The following VPS35L variants were observed in gnomAD, a reference collection of about 807,000 sequenced individuals.
VPS35L encodes VPS35 endosomal protein sorting factor like, also known as VPS35 endosomal protein-sorting factor-like.
VPS35L carries 83 observed loss-of-function variants against 133.0 expected under a neutral mutation model. The ratio of observed to expected loss-of-function variants is 0.62; its 90% CI spans 0.52 to 0.75. The LOEUF (loss-of-function observed/expected upper bound fraction) is 0.75, where lower values mean the gene tolerates loss of function less well. VPS35L is among the 30% of genes least tolerant of loss of function. The pLI, the probability that VPS35L is intolerant of heterozygous loss-of-function variation, is 0.00. For synonymous variants in VPS35L, 423 were observed against 449.9 expected (o/e 0.94, Z 0.76); for missense variants, 1,083 against 1,206.8 (o/e 0.90, Z 1.52).
At chr16:19,684,707 G>C (rs1975397076) in intron 28 of VPS35L, among the ~76,000 whole-genome samples, 1 of 152,222 alleles carries the variant, frequency 6.6e-6, no homozygotes, top group Non-Finnish European at 1.5e-5. Flanking sequence ...AGTGATGGAA[G>C]TGAAACTCAC....
At chr16:19,653,837 G>A (rs1974212592) in intron 26 of VPS35L, among the ~76,000 whole-genome samples, 1 of 152,220 alleles carries the variant, frequency 6.6e-6, no homozygotes, top group Non-Finnish European at 1.5e-5. Flanking sequence ...GCAGCTCTGG[G>A]CAGTGAAGTC....
chr16:19,620,015 G>A (rs1973027088), intron 14 of VPS35L, among the ~76,000 whole-genome samples: 1 of 152,142 alleles, frequency 6.6e-6, no homozygotes, highest in African/African-American at 2.4e-5. Flanking sequence ...AAGTGAGAGA[G>A]GGAAAGGAGA....
intron 8 of VPS35L, among the ~76,000 whole-genome samples, chr16:19,598,691 G>A (rs1972288743): frequency 6.6e-6 from 1 of 152,044 alleles, no homozygotes; most frequent in Non-Finnish European, 1.5e-5. Flanking sequence ...GGCAGAGGTG[G>A]GAGGAGCCCC....
intron 27 of VPS35L, among the ~76,000 whole-genome samples, chr16:19,680,195 G>T (rs1478371886): frequency 6.6e-6 from 1 of 152,156 alleles, no homozygotes; most frequent in East Asian, 1.9e-4. Flanking sequence ...GGGCTTCGTC[G>T]TAGTATCACC....
At chr16:19,659,771 T>C (rs1383473116) in intron 26 of VPS35L, among the ~76,000 whole-genome samples, 4 of 152,198 alleles carry the variant, frequency 2.6e-5, no homozygotes, top group Non-Finnish European at 5.9e-5. Context: ...TGGCAGCACA[T>C]CTTCATTGCA....
intron 1 of VPS35L, among the ~76,000 whole-genome samples, chr16:19,557,712 G>A (rs571299100): frequency 1.3e-5 from 2 of 151,780 alleles, no homozygotes; most frequent in East Asian, 3.9e-4. Context: ...TTTGAAGTAT[G>A]CATTCATCTT....
At chr16:19,700,259 C>CA (rs1976075477) in intron 30 of VPS35L, 119 bp from the exon 31 acceptor site, 2 of 850,058 alleles carry the variant, frequency 2.4e-6, no homozygotes, top group South Asian at 1.8e-5. Context: ...TCTCATCCCT[C>CA]AAAAAACTCA....
chr16:19,695,042 C>T (rs1234213139), intron 29 of VPS35L, among the ~76,000 whole-genome samples: 1 of 152,048 alleles, frequency 6.6e-6, no homozygotes, highest in African/African-American at 2.4e-5. Flanking sequence ...TCAAGTGATC[C>T]GCCCACCTTG....
chr16:19,555,805 C>A, intron 1 of VPS35L, 59 bp downstream of exon 1: 2 of 1,523,514 alleles, frequency 1.3e-6, no homozygotes, highest in South Asian at 2.6e-5. Context: ...GTGATGGGGT[C>A]GGCCTGGGTC....
At chr16:19,589,533 C>A (rs945687115) in intron 7 of VPS35L, among the ~76,000 whole-genome samples, 2 of 152,174 alleles carry the variant, frequency 1.3e-5, no homozygotes, top group South Asian at 4.1e-4. Flanking sequence ...GCATGAGCCA[C>A]CATGCCCAGC....
At chr16:19,649,052 G>T (rs146101321) in intron 24 of VPS35L, among the ~76,000 whole-genome samples, 1 of 150,954 alleles carries the variant, frequency 6.6e-6, no homozygotes, top group African/African-American at 2.4e-5. Context: ...GCAATGGTGC[G>T]ATTTTGGCTC....
At chr16:19,698,026 G>GT (rs962276766) in intron 29 of VPS35L, among the ~76,000 whole-genome samples, 1 of 152,210 alleles carries the variant, frequency 6.6e-6, no homozygotes, top group African/African-American at 2.4e-5. Flanking sequence ...TCTTAAAGCA[G>GT]TACCCATTTT....
At chr16:19,603,626 T>C (rs1972455417) in intron 9 of VPS35L, among the ~76,000 whole-genome samples, 1 of 152,192 alleles carries the variant, frequency 6.6e-6, no homozygotes, top group African/African-American at 2.4e-5. Context: ...TCTGGCCATC[T>C]CAGGGTTGGA....
chr16:19,597,540 C>T (rs1003417166), intron 8 of VPS35L, among the ~76,000 whole-genome samples: 1 of 152,080 alleles, frequency 6.6e-6, no homozygotes, highest in East Asian at 1.9e-4. Context: ...AAACTGCGCT[C>T]GGTACCTTCT....
chr16:19,661,716 G>A (rs1302866884), intron 26 of VPS35L, among the ~76,000 whole-genome samples: 2 of 152,142 alleles, frequency 1.3e-5, no homozygotes, highest in Non-Finnish European at 2.9e-5. Context: ...AGCATCCCTG[G>A]TTGGTCCCCA....
Position 19,588,347 on chromosome 16 carries a change from C to T in VPS35L, c.640-3443C>T, listed in dbSNP as rs1463661612. Among the ~76,000 whole-genome samples, 9 of 150,874 alleles carry T rather than the reference C, an allele frequency of 6.0e-5. No individual in the cohort carries two copies. The East Asian group carries it at 8.0e-4, about 13-fold the overall frequency. ...GATTACGGGCATCTGCCACCATGCC[C>T]GGCTGATTTTTGTATTTTTAGTAGA... is the stretch of plus-strand genomic sequence containing the variant. On this transcript the variant is annotated intron_variant, in intron 7 of 30. Coordinates refer to ENST00000417362, the MANE Select transcript of VPS35L (RefSeq NM_020314.7).
chr16:19,627,462 C>CT (rs1325055215), intron 15 of VPS35L, among the ~76,000 whole-genome samples: 1 of 152,182 alleles, frequency 6.6e-6, no homozygotes, highest in Non-Finnish European at 1.5e-5. Context: ...ACCCTGCCAT[C>CT]TAGCCATCCA....
intron 23 of VPS35L, 47 bp downstream of exon 23, chr16:19,644,996 A>G (rs757909765): frequency 1.5e-6 from 2 of 1,332,244 alleles, no homozygotes; most frequent in Non-Finnish European, 2.1e-6. Flanking sequence ...GTGTGATGTA[A>G]TTGTTTATCC....
intron 28 of VPS35L, among the ~76,000 whole-genome samples, chr16:19,688,834 G>A (rs1168478923): frequency 6.6e-6 from 1 of 152,244 alleles, no homozygotes; most frequent in Non-Finnish European, 1.5e-5. Context: ...AACTGGCTCT[G>A]TAGGCAGAGC....
Sources: allele counts gnomAD v4.1 joint callset (sites outside exome capture counted in the v4.1 genomes callset), GRCh38; gene constraint gnomAD v4.1.1; transcripts MANE v1.5; gene names NCBI Gene and HGNC (gene_info 2026-07-23, HGNC 2026-07-21).